SDK1: variants seen among roughly 807,000 people sequenced by gnomAD.
SDK1 encodes protein sidekick-1.
Under a neutral mutation model 245.5 loss-of-function variants are expected in SDK1, and 157 were observed. The observed-to-expected ratio is 0.64, with a 90% CI of 0.56 to 0.73. SDK1 has a LOEUF of 0.73. SDK1 is among the 30% of genes least tolerant of loss of function. The pLI is 0.00. For synonymous variants in SDK1, 1,647 were observed against 1,278.5 expected (o/e 1.29, Z -6.15); for missense variants, 3,583 against 3,002.3 (o/e 1.19, Z -4.52).
At chr7:3,462,227 C>A (rs188832053) in intron 1 of SDK1, among the ~76,000 whole-genome samples, 2 of 152,272 alleles carry the variant, frequency 1.3e-5, no homozygotes, top group Admixed American at 6.5e-5. Flanking sequence ...GCATTCTTCA[C>A]CGCTTGCCGC....
chr7:3,924,092 T>TC, intron 5 of SDK1, among the ~76,000 whole-genome samples: 1 of 151,240 alleles, frequency 6.6e-6, no homozygotes, highest in East Asian at 1.9e-4. Flanking sequence ...CAGAAATTCC[T>TC]CTTTTTTTTT....
At chr7:3,924,764 T>G in intron 5 of SDK1, among the ~76,000 whole-genome samples, 1 of 152,190 alleles carries the variant, frequency 6.6e-6, no homozygotes, top group East Asian at 1.9e-4. Flanking sequence ...TGAATTTCTT[T>G]ACCCGTCGCC....
At chr7:3,525,214 A>G (rs891622211) in intron 1 of SDK1, among the ~76,000 whole-genome samples, 36 of 151,964 alleles carry the variant, frequency 2.4e-4, no homozygotes, top group African/African-American at 8.0e-4. Context: ...CCTGGAACCA[A>G]TGCCCGTGGA....
intron 4 of SDK1, among the ~76,000 whole-genome samples, chr7:3,649,939 C>T (rs1244106827): frequency 1.3e-5 from 2 of 151,590 alleles, no homozygotes; most frequent in Non-Finnish European, 2.9e-5. Context: ...CCTGTATCCC[C>T]TGAATCTGGG....
intron 14 of SDK1, among the ~76,000 whole-genome samples, chr7:4,009,873 C>T (rs1016103258): frequency 2.0e-5 from 3 of 152,328 alleles, no homozygotes; most frequent in East Asian, 1.9e-4. Context: ...GAGTGCATTT[C>T]CAATGAGCTC....
At chr7:4,170,533 C>G (rs1420955612) in intron 32 of SDK1, among the ~76,000 whole-genome samples, 1 of 152,130 alleles carries the variant, frequency 6.6e-6, no homozygotes, top group Non-Finnish European at 1.5e-5. Flanking sequence ...TATGCACACA[C>G]AGGATTTCCA....
intron 1 of SDK1, among the ~76,000 whole-genome samples, chr7:3,549,801 C>A (rs1251513012): frequency 2.0e-5 from 3 of 152,050 alleles, no homozygotes; most frequent in African/African-American, 7.2e-5. Context: ...CTGCTTGTTG[C>A]AGACCAGCTA....
chr7:4,175,952 C>A, intron 34 of SDK1, 118 bp downstream of exon 34: 1 of 839,230 alleles, frequency 1.2e-6, no homozygotes, highest in South Asian at 1.4e-5. Context: ...GTTCTGGAAT[C>A]GCCTCTCAAA....
intron 1 of SDK1, among the ~76,000 whole-genome samples, chr7:3,403,687 C>A (rs1026631622): frequency 7.3e-5 from 11 of 151,020 alleles, no homozygotes; most frequent in Non-Finnish European, 1.5e-4. Flanking sequence ...ACAGTAGTTA[C>A]TACCTAAGAG....
intron 16 of SDK1, among the ~76,000 whole-genome samples, chr7:4,016,520 T>A (rs972047969): frequency 2.0e-5 from 3 of 152,228 alleles, no homozygotes; most frequent in Admixed American, 1.3e-4. Context: ...ACACCCTAAG[T>A]CCTGAGTTGT....
chr7:3,873,720 C>A (rs144800681), intron 5 of SDK1, among the ~76,000 whole-genome samples: 1 of 152,148 alleles, frequency 6.6e-6, no homozygotes, highest in African/African-American at 2.4e-5. Context: ...CAAGTCTGCT[C>A]ATGAGCCCAT....
intron 36 of SDK1, among the ~76,000 whole-genome samples, 186 bp from the exon 37 acceptor site, chr7:4,207,913 C>T (rs1438542760): frequency 6.6e-6 from 1 of 152,104 alleles, no homozygotes; most frequent in Non-Finnish European, 1.5e-5. Flanking sequence ...GCCAGGGGTC[C>T]CCGTCCATAC....
chr7:3,645,624 A>T (rs903973490), intron 4 of SDK1, among the ~76,000 whole-genome samples: 5 of 152,188 alleles, frequency 3.3e-5, no homozygotes, highest in African/African-American at 4.8e-5. Flanking sequence ...TTTAAAAATT[A>T]AAAAATCTAG....
chr7:3,551,282 A>G (rs1779401173), intron 1 of SDK1, among the ~76,000 whole-genome samples: 1 of 152,170 alleles, frequency 6.6e-6, no homozygotes, highest in African/African-American at 2.4e-5. Flanking sequence ...GGATATGTGA[A>G]TTATTTAAAA....
chr7:3,530,813 A>T (rs980146840), intron 1 of SDK1, among the ~76,000 whole-genome samples: 6 of 152,218 alleles, frequency 3.9e-5, no homozygotes, highest in Non-Finnish European at 2.9e-5. Flanking sequence ...TCATCTGTGA[A>T]ACAATTTGTG....
At chr7:4,259,589 C>T (rs532883316) in intron 44 of SDK1, among the ~76,000 whole-genome samples, 19 of 152,286 alleles carry the variant, frequency 1.2e-4, no homozygotes, top group East Asian at 3.9e-4. Flanking sequence ...GCCGGGCCAG[C>T]GCTTGGCGAC....
chr7:3,818,873 C>T (rs914598818), intron 4 of SDK1, among the ~76,000 whole-genome samples: 1 of 152,132 alleles, frequency 6.6e-6, no homozygotes, highest in African/African-American at 2.4e-5. Context: ...TGATCAAGAC[C>T]CACACCTGAT....
chr7:4,025,603 C>G (rs1787281246), intron 17 of SDK1, among the ~76,000 whole-genome samples: 1 of 152,210 alleles, frequency 6.6e-6, no homozygotes. Flanking sequence ...CCTAGGAACC[C>G]TGTGAGGGCA....
chr7:3,972,399 C>A (rs1782559466), intron 12 of SDK1, among the ~76,000 whole-genome samples: 1 of 152,110 alleles, frequency 6.6e-6, no homozygotes, highest in Non-Finnish European at 1.5e-5. Flanking sequence ...TAAAGGAATG[C>A]CGACATCCTG....
Sources: gnomAD v4.1 joint callset for allele counts (sites outside exome capture counted in the v4.1 genomes callset) on GRCh38, gnomAD v4.1.1 for gene constraint, MANE v1.5 for transcripts, NCBI Gene and HGNC (gene_info 2026-07-23, HGNC 2026-07-21) for gene names.